Variants in KLHL29 observed in about 807,000 individuals in gnomAD.
The protein encoded by KLHL29 is kelch like family member 29, also known as kelch-like protein 29.
Under a neutral mutation model 80.4 loss-of-function variants are expected in KLHL29, and 21 were observed. The ratio of observed to expected loss-of-function variants is 0.26; its 90% CI spans 0.19 to 0.38. KLHL29 has a LOEUF of 0.38. Ranked by LOEUF, KLHL29 falls within the 10% of genes least tolerant of loss-of-function variation. The pLI, the probability that KLHL29 is intolerant of heterozygous loss-of-function variation, is 1.00. For synonymous variants in KLHL29, 511 were observed against 526.8 expected (o/e 0.97, Z 0.41); for missense variants, 867 against 1,223.9 (o/e 0.71, Z 4.35).
intron 1 of KLHL29, among the ~76,000 whole-genome samples, chr2:23,436,197 C>T (rs1663335851): frequency 6.6e-6 from 1 of 151,836 alleles, no homozygotes; most frequent in African/African-American, 2.4e-5. Context: ...GCGTATTCCC[C>T]GCAGTGCCTA....
At chr2:23,577,110 G>A (rs1250971366) in intron 3 of KLHL29, among the ~76,000 whole-genome samples, 1 of 152,236 alleles carries the variant, frequency 6.6e-6, no homozygotes, top group East Asian at 1.9e-4. Context: ...CCCCACTGCA[G>A]TGCGTCTTCT....
intron 3 of KLHL29, among the ~76,000 whole-genome samples, chr2:23,573,090 C>T (rs1050365646): frequency 6.6e-6 from 1 of 152,096 alleles, no homozygotes; most frequent in Non-Finnish European, 1.5e-5. Context: ...GGCCTGAGCC[C>T]GGATGATGAA....
chr2:23,433,272 C>T (rs997396744), intron 1 of KLHL29, among the ~76,000 whole-genome samples: 1 of 152,210 alleles, frequency 6.6e-6, no homozygotes, highest in East Asian at 1.9e-4. Context: ...TGTTGAAATC[C>T]TTTTGCAGAG....
chr2:23,706,473 C>A lies in KLHL29; in HGVS notation c.2445-8C>A. Reference sequence around the variant, plus strand: ...ATGCCTAACTCTGTCCCCGCTTTCCCCCAACAGTGCTGTGGTGCTTGATGG... The same window carrying A: ...ATGCCTAACTCTGTCCCCGCTTTCCACCAACAGTGCTGTGGTGCTTGATGG... On this transcript the variant is annotated splice_polypyrimidine_tract_variant and splice_region_variant and intron_variant, in intron 13 of 13. Transcript: ENST00000486442. 1 of 1,479,410 alleles carries A rather than the reference C, an allele frequency of 6.8e-7. No individual in the cohort carries two copies. The highest frequency in any genetic ancestry group is 1.3e-5 in the South Asian group (1 of 74,508). The allele number at this position is 1,479,410 out of a possible 1,614,324, so 91.6% of individuals were successfully genotyped here. A position where few individuals can be genotyped will look rare whatever the true frequency, so the allele number is the denominator to read the frequency against.
chr2:23,472,285 C>T (rs1334962382), intron 1 of KLHL29, among the ~76,000 whole-genome samples: 1 of 152,100 alleles, frequency 6.6e-6, no homozygotes, highest in Non-Finnish European at 1.5e-5. Context: ...TGTCGGGAAG[C>T]AGGTGTGCTT....
chr2:23,597,383 G>T (rs815354), intron 3 of KLHL29, among the ~76,000 whole-genome samples: 1 of 23,578 alleles, frequency 4.2e-5, no homozygotes. Context: ...GTGTGTGTGT[G>T]TATATATATA....
intron 3 of KLHL29, among the ~76,000 whole-genome samples, chr2:23,613,823 C>T (rs1458263113): frequency 7.8e-6 from 1 of 128,304 alleles, no homozygotes; most frequent in Non-Finnish European, 1.6e-5. Flanking sequence ...GAAGATACAA[C>T]AATTGTACGC....
chr2:23,478,133 C>T (rs1664686684), intron 2 of KLHL29, among the ~76,000 whole-genome samples: 1 of 152,164 alleles, frequency 6.6e-6, no homozygotes, highest in South Asian at 2.1e-4. Flanking sequence ...TAGCACTCGG[C>T]CAGTTCCTGG....
intron 2 of KLHL29, among the ~76,000 whole-genome samples, chr2:23,546,657 G>A (rs539781233): frequency 3.3e-5 from 5 of 152,224 alleles, no homozygotes; most frequent in South Asian, 2.1e-4. Context: ...CCCCTCTCCC[G>A]GGGAGGAGCT....
At chr2:23,658,996 C>T (rs1670326656) in intron 5 of KLHL29, among the ~76,000 whole-genome samples, 1 of 152,222 alleles carries the variant, frequency 6.6e-6, no homozygotes, top group Admixed American at 6.5e-5. Flanking sequence ...CTCACTCTCC[C>T]CACCACCCAG....
At chr2:23,410,259 G>A (rs1272555329) in intron 1 of KLHL29, among the ~76,000 whole-genome samples, 7 of 152,148 alleles carry the variant, frequency 4.6e-5, no homozygotes, top group Admixed American at 4.6e-4. Context: ...GGTACAGTTA[G>A]GAGAGGACTG....
intron 2 of KLHL29, among the ~76,000 whole-genome samples, chr2:23,516,302 C>T (rs1377838054): frequency 6.6e-6 from 1 of 152,206 alleles, no homozygotes. Flanking sequence ...TCGAAGGCAG[C>T]ACCCTGCACA....
At chr2:23,666,860 G>A (rs1224011584) in intron 5 of KLHL29, among the ~76,000 whole-genome samples, 3 of 152,214 alleles carry the variant, frequency 2.0e-5, no homozygotes, top group Admixed American at 2.0e-4. Flanking sequence ...CAGCTATAAG[G>A]CACCTGGCAG....
chr2:23,534,306 G>A (rs532163155), intron 2 of KLHL29, among the ~76,000 whole-genome samples: 1 of 152,158 alleles, frequency 6.6e-6, no homozygotes, highest in South Asian at 2.1e-4. Context: ...ATTTTTATTA[G>A]ATAAAATCAC....
At chr2:23,594,143 C>T (rs531963) in intron 3 of KLHL29, among the ~76,000 whole-genome samples, 4,907 of 152,210 alleles carry the variant, frequency 0.032, 226 homozygotes, top group African/African-American at 0.11. Flanking sequence ...GATTATACAG[C>T]AGAGGTGGGA....
At chr2:23,690,852 G>A (rs1040143093) in intron 6 of KLHL29, 6 of 152,366 alleles carry the variant, frequency 3.9e-5, no homozygotes, top group African/African-American at 1.4e-4. Flanking sequence ...GATATAAACA[G>A]ATTTATATAT....
In KLHL29 at chr2:23,552,761, C is replaced by CTTT. The variant is rs60558023; in HGVS notation, c.-45-9376_-45-9374dup. On this transcript the variant is annotated intron_variant, in intron 2 of 13. Transcript: ENST00000486442. Reference sequence around the variant, plus strand: ...CACGGCTATAGCTCTGGTTTCTTTTCTTTTTTTTTTTTTTTTTGAGATGGC... The same window carrying CTTT: ...CACGGCTATAGCTCTGGTTTCTTTTCTTTTTTTTTTTTTTTTTTTTGAGATGGC... Among the ~76,000 whole-genome samples the CTTT allele has an allele frequency of 7.2e-4, 69 of 95,540 alleles. 3 individuals are homozygous for CTTT. Among genetic ancestry groups the CTTT allele is most frequent in the Admixed American group, 5.0e-3 (37 of 7,426 alleles). 62.7% of individuals were successfully genotyped at this position (95,540 alleles called of 152,430 possible).
chr2:23,407,974 C>T (rs1379886060), intron 1 of KLHL29, among the ~76,000 whole-genome samples: 2 of 151,656 alleles, frequency 1.3e-5, no homozygotes, highest in African/African-American at 2.4e-5. Flanking sequence ...TGCATTGGTG[C>T]GATCTTGACT....
chr2:23,527,054 G>A (rs1666347380), intron 2 of KLHL29, among the ~76,000 whole-genome samples: 1 of 152,198 alleles, frequency 6.6e-6, no homozygotes, highest in South Asian at 2.1e-4. Flanking sequence ...CTGCTAGGAA[G>A]CTAGGATGGG....
Sources: allele counts gnomAD v4.1 joint callset (sites outside exome capture counted in the v4.1 genomes callset), GRCh38; gene constraint gnomAD v4.1.1; transcripts MANE v1.5; gene names NCBI Gene and HGNC (gene_info 2026-07-23, HGNC 2026-07-21).